MGAT4C: variants seen among roughly 807,000 people sequenced by gnomAD.
MGAT4C encodes the protein alpha-1,3-mannosyl-glycoprotein 4-beta-N-acetylglucosaminyltransferase C.
MGAT4C carries 19 observed loss-of-function variants against 40.1 expected under a neutral mutation model. That is an observed-to-expected ratio of 0.47 (90% CI 0.33 to 0.70). The LOEUF (loss-of-function observed/expected upper bound fraction) is 0.70. Among genes scored for constraint, MGAT4C ranks in the 30% least tolerant of loss-of-function variants. The pLI is 0.02. For synonymous variants in MGAT4C, 181 were observed against 187.1 expected (o/e 0.97, Z 0.27); for missense variants, 491 against 563.2 (o/e 0.87, Z 1.30).
intron 2 of MGAT4C, among the ~76,000 whole-genome samples, chr12:86,613,236 A>T (rs943400931): frequency 6.6e-6 from 1 of 152,160 alleles, no homozygotes; most frequent in African/African-American, 2.4e-5. Flanking sequence ...AGAAAAATTT[A>T]AAAAAATAGC....
intron 1 of MGAT4C, among the ~76,000 whole-genome samples, chr12:86,237,277 G>A (rs999455390): frequency 1.3e-5 from 2 of 151,606 alleles, no homozygotes; most frequent in African/African-American, 4.8e-5. Flanking sequence ...TTATTCACTA[G>A]CAGTGTGACT....
chr12:86,835,715 C>T (rs994835446), intron 1 of MGAT4C, among the ~76,000 whole-genome samples: 3 of 151,946 alleles, frequency 2.0e-5, no homozygotes, highest in Non-Finnish European at 4.4e-5. Flanking sequence ...AAACTAGTCA[C>T]TTTTCAATTT....
At position 85,961,725 on chromosome 12, in the gene MGAT4C, G is replaced by C. The variant is rs929595764; in HGVS notation, c.*17564C>G. 2.0e-5 allele frequency: 3 copies of C among 151,842 alleles called. No homozygotes were observed. The highest frequency in any genetic ancestry group is 7.2e-5 in the African/African-American group (3 of 41,438). 9.4% of individuals were successfully genotyped at this position (151,842 alleles called of 1,614,324 possible). A position where few individuals can be genotyped will look rare whatever the true frequency, so the allele number is the denominator to read the frequency against. Reference sequence around the variant, plus strand: ...TTCTGGCCTAACCTTGTTGGCATGAGAGTTCCCACTTTGTATTATAATAGG... The same window carrying C: ...TTCTGGCCTAACCTTGTTGGCATGACAGTTCCCACTTTGTATTATAATAGG... On this transcript the variant is annotated 3_prime_UTR_variant, in exon 5 of 5. Coordinates refer to ENST00000611864, the MANE Select transcript of MGAT4C (RefSeq NM_001351288.2).
In MGAT4C at chr12:86,741,041, C is replaced by T. The variant is rs1951060466; in HGVS notation, c.-261-13800G>A. On this transcript the variant is annotated intron_variant, in intron 1 of 7. Coordinates refer to the MGAT4C transcript ENST00000548651. ...AGTAGTCCACATTGTCTATTGTTCT[C>T]ATCATTATGTTCATGTGTACTCAAT... 2.7e-5 allele frequency among the ~76,000 whole-genome samples: 4 copies of T among 150,918 alleles called. No homozygotes were observed. The Admixed American group carries it at 2.7e-4, about 10-fold the overall frequency.
At chr12:86,479,208 CAA>C (rs1957892003) in intron 2 of MGAT4C, among the ~76,000 whole-genome samples, 2 of 151,882 alleles carry the variant, frequency 1.3e-5, no homozygotes, top group Middle Eastern at 3.2e-3. Flanking sequence ...TGAAAACAGA[CAA>C]AGATTTCTGT....
At chr12:86,084,852 T>TA (rs1871455277) in intron 1 of MGAT4C, among the ~76,000 whole-genome samples, 1 of 152,008 alleles carries the variant, frequency 6.6e-6, no homozygotes, top group Non-Finnish European at 1.5e-5. Context: ...AGTTAGTATA[T>TA]ATTTCTGAAA....
chr12:86,370,889 TG>T (rs891515891), intron 3 of MGAT4C, among the ~76,000 whole-genome samples: 1 of 152,068 alleles, frequency 6.6e-6, no homozygotes, highest in Non-Finnish European at 1.5e-5. Flanking sequence ...CTTAAAAATT[TG>T]CTCCTTTAGT....
At position 86,361,639 on chromosome 12, in the gene MGAT4C, G is replaced by GA. The variant is rs945085267; in HGVS notation, c.-119-27513dup. Among the ~76,000 whole-genome samples the GA allele has an allele frequency of 9.0e-4, 137 of 152,180 alleles. 1 individual carries two copies. Among genetic ancestry groups the GA allele is most frequent in the African/African-American group, 3.2e-3 (134 of 41,504 alleles). On this transcript the variant is annotated intron_variant, in intron 3 of 7. Coordinates refer to the MGAT4C transcript ENST00000548651. ...ACAAAGAACTCAAACAAATTTACAAGAAAAAATCATACAACCCCATCAAAA... is the reference window on the plus strand; with the variant it reads ...ACAAAGAACTCAAACAAATTTACAAGAAAAAAATCATACAACCCCATCAAAA...
intron 1 of MGAT4C, among the ~76,000 whole-genome samples, chr12:86,791,079 C>G (rs910599347): frequency 1.3e-5 from 2 of 152,070 alleles, no homozygotes; most frequent in Non-Finnish European, 2.9e-5. Context: ...TCGGTGTGCT[C>G]TAGTAAGGGG....
intron 1 of MGAT4C, among the ~76,000 whole-genome samples, chr12:86,103,251 A>C (rs766022154): frequency 6.6e-5 from 10 of 152,200 alleles, no homozygotes; most frequent in Non-Finnish European, 1.5e-4. Context: ...CAAAAGAGTG[A>C]ATAATATTTT....
At chr12:86,195,891 C>A (rs2135917185) in intron 1 of MGAT4C, among the ~76,000 whole-genome samples, 1 of 152,206 alleles carries the variant, frequency 6.6e-6, no homozygotes, top group East Asian at 1.9e-4. Flanking sequence ...AGATGCAAAT[C>A]TTTTCCCCAG....
intron 1 of MGAT4C, among the ~76,000 whole-genome samples, chr12:86,106,644 G>A (rs894719946): frequency 3.3e-5 from 5 of 151,250 alleles, no homozygotes; most frequent in African/African-American, 1.2e-4. Flanking sequence ...TTGCTTTGAA[G>A]GTGTATATGG....
At chr12:86,414,579 TA>T (rs1207833250) in intron 3 of MGAT4C, among the ~76,000 whole-genome samples, 6 of 113,430 alleles carry the variant, frequency 5.3e-5, no homozygotes, top group Non-Finnish European at 5.4e-5. Flanking sequence ...GTAGGTGTTT[TA>T]AAACAATCGT....
At chr12:86,459,800 A>T (rs73387865) in intron 2 of MGAT4C, among the ~76,000 whole-genome samples, 2 of 149,108 alleles carry the variant, frequency 1.3e-5, no homozygotes, top group African/African-American at 5.0e-5. Flanking sequence ...CTACAGAAAC[A>T]AACCCCTTTC....
rs111663999 is a variant in MGAT4C at position 86,383,921 on chromosome 12, A to G, written c.-119-49794T>C. 3.3e-3 allele frequency among the ~76,000 whole-genome samples: 495 copies of G among 152,292 alleles called. 2 individuals carry two copies. The highest frequency in any genetic ancestry group is 0.012 in the African/African-American group (482 of 41,574). On this transcript the variant is annotated intron_variant, in intron 3 of 7. Transcript: ENST00000548651. ...GATATTGTTTGGCTGTGCCCCACTC[A>G]GATCTTATCTTGAATTCCCATGTGT...
intron 4 of MGAT4C, among the ~76,000 whole-genome samples, chr12:86,307,014 A>G (rs1953950500): frequency 6.6e-6 from 1 of 150,608 alleles, no homozygotes; most frequent in Non-Finnish European, 1.5e-5. Flanking sequence ...ATATGCAGAA[A>G]TCATTTTTAG....
chr12:86,539,337 C>T (rs1959133007), intron 2 of MGAT4C, among the ~76,000 whole-genome samples: 1 of 151,336 alleles, frequency 6.6e-6, no homozygotes, highest in Admixed American at 6.6e-5. Flanking sequence ...ATCCATGTCC[C>T]TACAAAGGAC....
intron 2 of MGAT4C, among the ~76,000 whole-genome samples, chr12:86,487,641 TTTACATAATATG>T (rs1473552573): frequency 5.9e-5 from 9 of 152,318 alleles, no homozygotes; most frequent in African/African-American, 2.2e-4. Context: ...TTTAAATATA[TTTACATAATATG>T]TCATTTTAAG....
At chr12:86,674,690 C>CT (rs1158103298) in intron 2 of MGAT4C, among the ~76,000 whole-genome samples, 3 of 152,040 alleles carry the variant, frequency 2.0e-5, no homozygotes, top group Admixed American at 1.3e-4. Context: ...GAGCTCAACT[C>CT]TGTCTCAAAA....
Sources: gnomAD v4.1 joint callset for allele counts (sites outside exome capture counted in the v4.1 genomes callset) on GRCh38, gnomAD v4.1.1 for gene constraint, MANE v1.5 for transcripts, NCBI Gene and HGNC (gene_info 2026-07-23, HGNC 2026-07-21) for gene names.